The following ERCC8 variants were observed in gnomAD, a reference collection of about 807,000 sequenced individuals.
ERCC8 encodes DNA excision repair protein ERCC-8.
In ERCC8, 52 loss-of-function variants were observed where a neutral mutation model predicts 54.9. That is an observed-to-expected ratio of 0.95 (90% CI 0.76 to 1.19). The LOEUF (loss-of-function observed/expected upper bound fraction) is 1.19. ERCC8 is among the 50% of genes most tolerant of loss of function. The pLI is 0.00. For missense variants in ERCC8, 514 were observed against 466.1 expected (o/e 1.10, Z -0.95); for synonymous variants, 146 against 157.2 (o/e 0.93, Z 0.53).
intron 10 of ERCC8, among the ~76,000 whole-genome samples, chr5:60,889,352 G>A (rs888545829): frequency 6.6e-6 from 1 of 151,982 alleles, no homozygotes; most frequent in Non-Finnish European, 1.5e-5. Context: ...ATATTCTGTT[G>A]CCCATGTTGG....
chr5:60,914,471 C>G (rs1036380388), intron 4 of ERCC8, among the ~76,000 whole-genome samples: 24 of 151,560 alleles, frequency 1.6e-4, no homozygotes, highest in Non-Finnish European at 2.9e-5. Flanking sequence ...TTATTTTGAG[C>G]CTATGTGTGT....
chr5:60,898,482 A>G (rs1748782267), intron 8 of ERCC8, 82 bp from the exon 9 acceptor site: 1 of 1,502,786 alleles, frequency 6.7e-7, no homozygotes, highest in Non-Finnish European at 9.2e-7. Flanking sequence ...TAAACATATT[A>G]AAGGACAACT....
At chr5:60,898,513 G>T (rs182742908) in intron 8 of ERCC8, 113 bp from the exon 9 acceptor site, 338 of 1,185,874 alleles carry the variant, frequency 2.9e-4, no homozygotes, top group Admixed American at 9.0e-4. Context: ...CTTAAAAAAT[G>T]TAAGTAGATT....
intron 2 of ERCC8, among the ~76,000 whole-genome samples, chr5:60,923,541 A>G (rs2120955): frequency 0.64 from 96,623 of 151,908 alleles, 31,165 homozygotes; most frequent in East Asian, 0.94. Flanking sequence ...GAGGTATATG[A>G]TAAGTTCAGA....
intron 3 of ERCC8, among the ~76,000 whole-genome samples, chr5:60,921,261 A>G (rs2112521846): frequency 6.6e-6 from 1 of 152,034 alleles, no homozygotes; most frequent in African/African-American, 2.4e-5. Context: ...AATATTCCAT[A>G]GCATATATTC....
intron 11 of ERCC8, among the ~76,000 whole-genome samples, chr5:60,880,193 C>T (rs1277285901): frequency 6.6e-6 from 1 of 152,106 alleles, no homozygotes; most frequent in Non-Finnish European, 1.5e-5. Flanking sequence ...GAATATTGGC[C>T]CCCACTCTCT....
intron 4 of ERCC8, among the ~76,000 whole-genome samples, chr5:60,906,754 T>C (rs62372135): frequency 9.3e-6 from 1 of 107,012 alleles, no homozygotes. Context: ...AATAAATAAA[T>C]AAATAAACAA....
chr5:60,892,255 A>C (rs1023250286), intron 9 of ERCC8: 3 of 551,894 alleles, frequency 5.4e-6, no homozygotes, highest in Non-Finnish European at 1.1e-5. Flanking sequence ...CTTTATCTTC[A>C]ATGGCATCTG....
intron 1 of ERCC8, among the ~76,000 whole-genome samples, chr5:60,938,193 T>G (rs1664513808): frequency 1.3e-5 from 2 of 150,190 alleles, no homozygotes; most frequent in Non-Finnish European, 3.0e-5. Context: ...TTCCAACTTG[T>G]AACTTCAATT....
chr5:60,933,235 T>TTTTTTTTTC (rs1749965762), intron 1 of ERCC8, among the ~76,000 whole-genome samples: 1 of 142,608 alleles, frequency 7.0e-6, no homozygotes, highest in Non-Finnish European at 1.5e-5. Flanking sequence ...TTTTTTTTTT[T>TTTTTTTTTC]TGAGACGGAG....
chr5:60,928,383 T>G (rs1293290643), intron 2 of ERCC8, among the ~76,000 whole-genome samples: 1 of 152,202 alleles, frequency 6.6e-6, no homozygotes, highest in Non-Finnish European at 1.5e-5. Flanking sequence ...AGGTAGGTAC[T>G]ATTGTTCCCA....
Position 60,945,066 on chromosome 5 carries a change from G to T in ERCC8, c.-58C>A, listed in dbSNP as rs1185428280. On this transcript the variant is annotated 5_prime_UTR_variant, in exon 1 of 12. Transcript: ENST00000676185. ...GTCGCCATGACAGAGCTCAGGGGCGGGACTGGAACAGCAGAGTCTCCCATT... is the reference window on the plus strand; with the variant it reads ...GTCGCCATGACAGAGCTCAGGGGCGTGACTGGAACAGCAGAGTCTCCCATT... 2 of 1,513,372 alleles carry T rather than the reference G, an allele frequency of 1.3e-6. No individual in the cohort carries two copies. The highest frequency in any genetic ancestry group is 2.7e-5 in the African/African-American group (2 of 72,850). The allele number at this position is 1,513,372 out of a possible 1,614,324, so 93.7% of individuals were successfully genotyped here.
rs562573916 is a variant in ERCC8, at chr5:60,934,101, G to A, written c.78-5142C>T. 6.6e-4 allele frequency among the ~76,000 whole-genome samples: 101 copies of A among 152,236 alleles called. 1 individual carries two copies. Among genetic ancestry groups the A allele is most frequent in the African/African-American group, 2.2e-3 (90 of 41,546 alleles). On this transcript the variant is annotated intron_variant, in intron 1 of 11. Transcript: ENST00000676185. ...CTTCTCTTCTACTAGGTGGATACCC[G>A]GGAGTGGGAATGCTGGATCAAATGG...
At chr5:60,888,274 T>C (rs1298292522) in intron 10 of ERCC8, among the ~76,000 whole-genome samples, 1 of 152,198 alleles carries the variant, frequency 6.6e-6, no homozygotes, top group Non-Finnish European at 1.5e-5. Flanking sequence ...TAGTAATTTA[T>C]AGAAAATGTA....
intron 4 of ERCC8, among the ~76,000 whole-genome samples, chr5:60,914,842 C>T (rs1366916677): frequency 6.8e-6 from 1 of 147,452 alleles, no homozygotes; most frequent in African/African-American, 2.5e-5. Flanking sequence ...ATGTTCGTAT[C>T]TATTGAGATG....
At chr5:60,876,867 A>G (rs1458006985) in intron 11 of ERCC8, among the ~76,000 whole-genome samples, 2 of 152,160 alleles carry the variant, frequency 1.3e-5, no homozygotes, top group Non-Finnish European at 2.9e-5. Context: ...TTTGCTGTGC[A>G]GAAGCTCTTT....
At chr5:60,944,098 C>T (rs2112555313) in intron 1 of ERCC8, among the ~76,000 whole-genome samples, 1 of 152,228 alleles carries the variant, frequency 6.6e-6, no homozygotes, top group South Asian at 2.1e-4. Flanking sequence ...AGTATATTAC[C>T]AACATTCAAC....
chr5:60,940,326 GAAGGGA>G (rs1336746206), intron 1 of ERCC8, among the ~76,000 whole-genome samples: 2 of 152,226 alleles, frequency 1.3e-5, no homozygotes, highest in Non-Finnish European at 2.9e-5. Context: ...GAACTCTGAG[GAAGGGA>G]AATTGTTTTC....
rs529176390 is a variant in ERCC8 at position 60,894,782 on chromosome 5, T to G, written c.843+3494A>C. Among the ~76,000 whole-genome samples the G allele has an allele frequency of 7.9e-5, 12 of 152,292 alleles. No individual in the cohort carries two copies. In the East Asian group the frequency reaches 1.7e-3, roughly 22 times the overall value. ...CTTCCTGATAATAATTTTGATAAGC[T>G]TGGGGTGAGTGTAAAACCAGTAACT... is the stretch of plus-strand genomic sequence containing the variant. On this transcript the variant is annotated intron_variant, in intron 9 of 11. Coordinates refer to ENST00000676185, the MANE Select transcript of ERCC8 (RefSeq NM_000082.4).
Sources: gnomAD v4.1 joint callset for allele counts (sites outside exome capture counted in the v4.1 genomes callset) on GRCh38, gnomAD v4.1.1 for gene constraint, MANE v1.5 for transcripts, NCBI Gene and HGNC (gene_info 2026-07-23, HGNC 2026-07-21) for gene names.